The following MKLN1 variants were observed in gnomAD, a reference collection of about 807,000 sequenced individuals.
MKLN1 encodes muskelin.
A neutral mutation model predicts 99.0 loss-of-function variants in MKLN1; 18 were observed. The ratio of observed to expected loss-of-function variants is 0.18; its 90% CI spans 0.13 to 0.27. MKLN1 has a LOEUF of 0.27. Ranked by LOEUF, MKLN1 falls within the 10% of genes least tolerant of loss-of-function variation. MKLN1 has a pLI of 1.00. For missense variants in MKLN1, 621 were observed against 875.9 expected, an observed-to-expected ratio of 0.71 and a Z score of 3.67; for synonymous variants, 288 against 293.2, an observed-to-expected ratio of 0.98 and a Z score of 0.18.
chr7:131,382,749 G>A (rs1445646507), intron 2 of MKLN1, among the ~76,000 whole-genome samples: 1 of 151,276 alleles, frequency 6.6e-6, no homozygotes, highest in South Asian at 2.1e-4. Flanking sequence ...TTAGAGACAG[G>A]GTCTTACTGT....
intron 9 of MKLN1, among the ~76,000 whole-genome samples, chr7:131,434,098 C>G (rs1396754800): frequency 1.3e-5 from 2 of 152,100 alleles, no homozygotes; most frequent in Non-Finnish European, 2.9e-5. Context: ...GTTGGCCAGG[C>G]TGGTCTCGAA....
intron 12 of MKLN1, 27 bp from the exon 13 acceptor site, chr7:131,463,190 C>A (rs779854286): frequency 6.4e-7 from 1 of 1,550,770 alleles, no homozygotes; most frequent in Non-Finnish European, 8.9e-7. Flanking sequence ...TGAATATTTT[C>A]ATCTTATTTT....
At chr7:131,327,449 T>C (rs1363451157), upstream of MKLN1, 1 of 161,428 alleles carries the variant, frequency 6.2e-6, no homozygotes, top group Non-Finnish European at 1.4e-5. Context: ...GCTACTGCCC[T>C]CCAGCTCCCT....
At chr7:131,420,706 ACAAGTAT>A (rs1584724068) in intron 8 of MKLN1, among the ~76,000 whole-genome samples, 1 of 152,174 alleles carries the variant, frequency 6.6e-6, no homozygotes, top group African/African-American at 2.4e-5. Context: ...AGTTGTTCAC[ACAAGTAT>A]TGTATATACC....
rs3077583 is a variant in MKLN1 at position 131,255,880 on chromosome 7, CTATTTATTTATT to C, written c.-179+52936_-179+52947del. 5.7e-3 allele frequency among the ~76,000 whole-genome samples: 765 copies of C among 135,362 alleles called. 6 individuals carry two copies. Among genetic ancestry groups the C allele is most frequent in the African/African-American group, 0.018 (644 of 34,812 alleles). 88.8% of individuals were successfully genotyped at this position (135,362 alleles called of 152,430 possible). A position where few individuals can be genotyped will look rare whatever the true frequency, so the allele number is the denominator to read the frequency against. ...ACAGGTGTGAGCCACTGTGCCCGAC[CTATTTATTTATT>C]TATTTATTTATTTATTTATTTATTT... On this transcript the variant is annotated intron_variant, in intron 3 of 7. Transcript: ENST00000416992.
chr7:131,132,581 C>A (rs879607841), intron 1 of MKLN1, among the ~76,000 whole-genome samples: 2 of 152,136 alleles, frequency 1.3e-5, no homozygotes, highest in Non-Finnish European at 2.9e-5. Context: ...ACTTGTGTGG[C>A]TCCAGAGGAC....
chr7:131,189,700 T>C (rs1440840461), intron 2 of MKLN1, among the ~76,000 whole-genome samples: 1 of 152,180 alleles, frequency 6.6e-6, no homozygotes, highest in Non-Finnish European at 1.5e-5. Flanking sequence ...ACTTCTGTAG[T>C]AATAGCAGTA....
chr7:131,155,582 A>G (rs1209928370), intron 2 of MKLN1, among the ~76,000 whole-genome samples: 1 of 152,198 alleles, frequency 6.6e-6, no homozygotes, highest in East Asian at 1.9e-4. Flanking sequence ...GAAATTAACT[A>G]ACTTTGTAAA....
chr7:131,175,749 A>G (rs1159843909), intron 2 of MKLN1, among the ~76,000 whole-genome samples: 2 of 152,160 alleles, frequency 1.3e-5, no homozygotes, highest in African/African-American at 4.8e-5. Flanking sequence ...AAAATACAAA[A>G]TTTAGCTGGG....
At chr7:131,465,729 C>T (rs950236332) in intron 14 of MKLN1, among the ~76,000 whole-genome samples, 3 of 151,870 alleles carry the variant, frequency 2.0e-5, no homozygotes, top group African/African-American at 4.8e-5. Context: ...TTAGTAGAGA[C>T]GGGGTTTCAC....
chr7:131,407,460 C>T (rs1256612343), intron 6 of MKLN1, among the ~76,000 whole-genome samples: 1 of 151,784 alleles, frequency 6.6e-6, no homozygotes, highest in African/African-American at 2.4e-5. Context: ...GGCATAATTC[C>T]TGGGTTGATT....
At chr7:131,132,788 G>A (rs552926540) in intron 1 of MKLN1, among the ~76,000 whole-genome samples, 43 of 151,916 alleles carry the variant, frequency 2.8e-4, no homozygotes, top group South Asian at 6.2e-4. Context: ...TTAGCCGGGC[G>A]TGGTGGCAGC....
intron 2 of MKLN1, among the ~76,000 whole-genome samples, chr7:131,192,092 AT>A (rs1449225581): frequency 3.7e-4 from 32 of 85,738 alleles, no homozygotes; most frequent in African/African-American, 1.4e-3. Context: ...TATATTATAT[AT>A]ATATGTATAT....
At chr7:131,179,173 T>C (rs1269711687) in intron 2 of MKLN1, among the ~76,000 whole-genome samples, 1 of 152,302 alleles carries the variant, frequency 6.6e-6, no homozygotes, top group Middle Eastern at 3.4e-3. Flanking sequence ...AGTGAAATAA[T>C]AAATAAGGTC....
intron 3 of MKLN1, among the ~76,000 whole-genome samples, chr7:131,241,050 CA>C (rs1360985119): frequency 1.3e-5 from 2 of 152,128 alleles, no homozygotes; most frequent in Non-Finnish European, 2.9e-5. Flanking sequence ...TCCTTTCATA[CA>C]TACTGAAAAT....
intron 2 of MKLN1, among the ~76,000 whole-genome samples, chr7:131,384,905 G>T (rs781361132): frequency 2.4e-4 from 37 of 152,202 alleles, no homozygotes; most frequent in Admixed American, 4.6e-4. Context: ...ATAATATAAA[G>T]TTAGCCATTT....
intron 1 of MKLN1, among the ~76,000 whole-genome samples, chr7:131,342,934 A>C (rs1005925472): frequency 1.3e-5 from 2 of 152,252 alleles, no homozygotes; most frequent in African/African-American, 4.8e-5. Context: ...TACTGATTCC[A>C]GATAATAGCC....
chr7:131,331,843 CT>C (rs1799085730), intron 1 of MKLN1, among the ~76,000 whole-genome samples: 2 of 152,072 alleles, frequency 1.3e-5, no homozygotes, highest in Admixed American at 6.5e-5. Flanking sequence ...CTGGGAGAAA[CT>C]TTGAAAGTAT....
intron 3 of MKLN1, among the ~76,000 whole-genome samples, chr7:131,210,872 G>A (rs1356134742): frequency 7.3e-5 from 11 of 150,062 alleles, no homozygotes; most frequent in Non-Finnish European, 1.5e-4. Flanking sequence ...ATTATTGATA[G>A]GTTAGCAGGG....
Sources: gnomAD v4.1 joint callset for allele counts (sites outside exome capture counted in the v4.1 genomes callset) on GRCh38, gnomAD v4.1.1 for gene constraint, MANE v1.5 for transcripts, NCBI Gene and HGNC (gene_info 2026-07-23, HGNC 2026-07-21) for gene names.